RGPD3: variants seen among roughly 807,000 people sequenced by gnomAD.
RGPD3 encodes RANBP2 like and GRIP domain containing 3.
A neutral mutation model predicts 154.5 loss-of-function variants in RGPD3; 62 were observed. The observed-to-expected ratio is 0.40, with a 90% CI of 0.33 to 0.50. The LOEUF is 0.50. Ranked by LOEUF, RGPD3 falls within the 20% of genes least tolerant of loss-of-function variation. RGPD3 has a pLI of 0.59. For synonymous variants in RGPD3, 308 were observed against 607.0 expected, an observed-to-expected ratio of 0.51 and a Z score of 7.24; for missense variants, 919 against 1,716.8, an observed-to-expected ratio of 0.54 and a Z score of 8.21.
chr2:106,455,133 A>C (rs1404513217), intron 4 of RGPD3, among the ~76,000 whole-genome samples: 1 of 152,236 alleles, frequency 6.6e-6, no homozygotes, highest in East Asian at 1.9e-4. Flanking sequence ...GCACCACTGC[A>C]CTCCAGCATG....
At chr2:106,464,715 T>C (rs997892110) in intron 1 of RGPD3, among the ~76,000 whole-genome samples, 3 of 151,356 alleles carry the variant, frequency 2.0e-5, no homozygotes, top group African/African-American at 4.9e-5. Context: ...GAAAAAATTA[T>C]ATATTTTTTT....
intron 7 of RGPD3, among the ~76,000 whole-genome samples, chr2:106,445,120 C>T (rs1380339775): frequency 9.7e-5 from 12 of 123,298 alleles, no homozygotes; most frequent in South Asian, 5.4e-4. Flanking sequence ...AACCCCATCT[C>T]TACTGAAAAT....
At chr2:106,446,265 A>T (rs1468325756) in intron 7 of RGPD3, among the ~76,000 whole-genome samples, 17 of 51,172 alleles carry the variant, frequency 3.3e-4, no homozygotes, top group Non-Finnish European at 6.3e-4. Context: ...CAGGCTCATT[A>T]AAAAAAAAAA....
At chr2:106,449,889 C>T (rs1168001461) in intron 6 of RGPD3, among the ~76,000 whole-genome samples, 260 of 152,010 alleles carry the variant, frequency 1.7e-3, no homozygotes, top group Middle Eastern at 3.4e-3. Context: ...TGGTGGCAGG[C>T]ACCTGTAGGC....
intron 22 of RGPD3, among the ~76,000 whole-genome samples, chr2:106,411,151 G>GT (rs1676658388): frequency 6.8e-6 from 1 of 147,396 alleles, no homozygotes; most frequent in East Asian, 2.3e-4. Context: ...TGGAATTTTA[G>GT]TAAGTATACC....
chr2:106,467,114 C>G (rs554074666), intron 1 of RGPD3, among the ~76,000 whole-genome samples: 9 of 93,176 alleles, frequency 9.7e-5, no homozygotes, highest in African/African-American at 2.4e-4. Flanking sequence ...TCGAGGCCGG[C>G]GCCTCAACAG....
chr2:106,422,404 TCTCA>T (rs1163098605), intron 20 of RGPD3, among the ~76,000 whole-genome samples: 17 of 138,072 alleles, frequency 1.2e-4, no homozygotes, highest in African/African-American at 1.7e-4. Context: ...GGAGACAAAG[TCTCA>T]CTCAGTCACT....
At position 106,468,357 on chromosome 2, in the gene RGPD3, A is replaced by G; in HGVS notation, c.-69T>C. 1.3e-6 allele frequency: 2 copies of G among 1,552,598 alleles called. No individual in the cohort carries two copies. The highest frequency in any genetic ancestry group is 1.7e-6 in the Non-Finnish European group (2 of 1,148,718). ...AGCCCCGCAGCAGTCGCCAATTCCA[A>G]GAGGAAAGCGCCTGAAAGCCACTGA... On this transcript the variant is annotated 5_prime_UTR_variant, in exon 1 of 23. Coordinates refer to ENST00000409886, the MANE Select transcript of RGPD3 (RefSeq NM_001144013.2).
chr2:106,413,145 A>AAC lies in RGPD3; in HGVS notation c.5203_5204dup (p.Ile1736LeufsTer2), dbSNP rs1676724122. ...GGCTGAGCTGCAACATCGTATTTAT[A>AAC]ACAGGAAGAAGTCTCTCTCTTTCAC... is the stretch of plus-strand genomic sequence containing the variant. On this transcript the variant is annotated frameshift_variant, in exon 22 of 23. Coordinates refer to ENST00000409886, the MANE Select transcript of RGPD3 (RefSeq NM_001144013.2). LOFTEE classifies it high-confidence loss of function. The AAC allele has an allele frequency of 6.2e-7, 1 of 1,611,478 alleles. No individual in the cohort carries two copies. Among genetic ancestry groups the AAC allele is most frequent in the African/African-American group, 1.3e-5 (1 of 74,794 alleles).
chr2:106,438,616 T>G (rs559927917), intron 9 of RGPD3, among the ~76,000 whole-genome samples: 62 of 152,090 alleles, frequency 4.1e-4, no homozygotes, highest in Non-Finnish European at 7.4e-4. Flanking sequence ...ACCCTGTCTC[T>G]ACTAAAACTA....
At chr2:106,467,421 C>G (rs1382533737) in intron 1 of RGPD3, among the ~76,000 whole-genome samples, 1 of 107,954 alleles carries the variant, frequency 9.3e-6, no homozygotes, top group Admixed American at 8.4e-5. Context: ...CCTGAGCCAT[C>G]GAGGCCGCCG....
intron 6 of RGPD3, among the ~76,000 whole-genome samples, chr2:106,450,705 C>CAAAAAAAAA (rs768839840): frequency 1.2e-4 from 5 of 43,246 alleles, no homozygotes; most frequent in South Asian, 1.4e-3. Flanking sequence ...GACTCTGTCT[C>CAAAAAAAAA]AAAAAAAAAA....
Position 106,424,466 on chromosome 2 carries a change from G to C in RGPD3, c.3501C>G (p.Cys1167Trp), listed in dbSNP as rs1021668971. The change falls in exon 20 of 23, where the codon TGC becomes TGG. Residue 1167 changes from cysteine to tryptophan, a missense_variant. Transcript: ENST00000409886. ...GTGGTATGTCTAACAGAAGCCGCTG[G>C]CATTCCTCAAATTTCTGCTTGAATT... ...AEEFKQKFEE[C>W]QRLLLDIPLQ... 8 of 1,607,166 alleles carry C rather than the reference G, an allele frequency of 5.0e-6. 1 individual carries two copies. Among genetic ancestry groups the C allele is most frequent in the Non-Finnish European group, 6.8e-6 (8 of 1,179,520 alleles).
chr2:106,460,465 A>C (rs1678375728), intron 1 of RGPD3, among the ~76,000 whole-genome samples: 1 of 135,338 alleles, frequency 7.4e-6, no homozygotes, highest in Non-Finnish European at 1.6e-5. Context: ...AGGAGTCAAA[A>C]AGGCAGAAAT....
chr2:106,412,305 T>G (rs1238388678), intron 22 of RGPD3, among the ~76,000 whole-genome samples: 63 of 75,806 alleles, frequency 8.3e-4, no homozygotes, highest in African/African-American at 2.9e-3. Context: ...TTTTTTTTTT[T>G]TTTTTTTTTT....
chr2:106,432,324 G>A lies in RGPD3; in HGVS notation c.2469+611C>T, dbSNP rs1255262356. 3.8e-4 allele frequency among the ~76,000 whole-genome samples: 56 copies of A among 148,184 alleles called. 3 individuals are homozygous for A. The highest frequency in any genetic ancestry group is 4.5e-5 in the Non-Finnish European group (3 of 66,852). ...AAAAATTAGCTGGGCCTGGTGGCGG[G>A]TGCCTGTAATCCCAGCTACTCGGGA... is the stretch of plus-strand genomic sequence containing the variant. On this transcript the variant is annotated intron_variant, in intron 17 of 22. Transcript: ENST00000409886.
chr2:106,424,400 G>A lies in RGPD3; in HGVS notation c.3567C>T (p.Ala1189=). ...TTTCTTCAGCTCTCTGTATTAACTT[G>A]GCAGCTCTGCCAGTATCTACAAGTT... ...PHKLVDTGRA[A]KLIQRAEEMK... The change falls in exon 20 of 23, where the codon GCC becomes GCT. Residue 1189 remains alanine, a synonymous_variant. Coordinates refer to ENST00000409886, the MANE Select transcript of RGPD3 (RefSeq NM_001144013.2). 6.2e-7 allele frequency: 1 copy of A among 1,610,994 alleles called. No individual in the cohort carries two copies.
intron 21 of RGPD3, among the ~76,000 whole-genome samples, chr2:106,415,099 TG>T (rs1676784854): frequency 6.6e-6 from 1 of 151,578 alleles, no homozygotes; most frequent in African/African-American, 2.4e-5. Context: ...AATCCTCAAC[TG>T]TTCTGCAACA....
At position 106,434,212 on chromosome 2, in the gene RGPD3, A is replaced by G. The variant is rs1227579161; in HGVS notation, c.2205+16T>C. On this transcript the variant is annotated intron_variant, in intron 15 of 22. Coordinates refer to ENST00000409886, the MANE Select transcript of RGPD3 (RefSeq NM_001144013.2). Reference sequence around the variant, plus strand: ...GGTTATCAGTAAGAACGTACATACAACAACCTGCTACTTACTTTCTTGACC... The same window carrying G: ...GGTTATCAGTAAGAACGTACATACAGCAACCTGCTACTTACTTTCTTGACC... 6.3e-7 allele frequency: 1 copy of G among 1,588,132 alleles called. No homozygotes were observed. Among genetic ancestry groups the G allele is most frequent in the Non-Finnish European group, 8.6e-7 (1 of 1,165,514 alleles).
Sources: allele counts gnomAD v4.1 joint callset (sites outside exome capture counted in the v4.1 genomes callset), GRCh38; gene constraint gnomAD v4.1.1; transcripts MANE v1.5; gene names NCBI Gene and HGNC (gene_info 2026-07-23, HGNC 2026-07-21).